Variants in RPS6KA1 observed in about 807,000 individuals in gnomAD.
RPS6KA1 encodes the protein ribosomal protein S6 kinase alpha-1.
RPS6KA1 carries 48 observed loss-of-function variants against 91.3 expected under a neutral mutation model. That is an observed-to-expected ratio of 0.53 (90% CI 0.42 to 0.67). RPS6KA1 has a LOEUF of 0.67. Ranked by LOEUF, RPS6KA1 falls within the 30% of genes least tolerant of loss-of-function variation. The pLI, the probability that RPS6KA1 is intolerant of heterozygous loss-of-function variation, is 0.00. For synonymous variants in RPS6KA1, 359 were observed against 384.7 expected, an observed-to-expected ratio of 0.93 and a Z score of 0.78; for missense variants, 719 against 960.5, an observed-to-expected ratio of 0.75 and a Z score of 3.32.
intron 17 of RPS6KA1, among the ~76,000 whole-genome samples, chr1:26,568,448 A>G (rs1033656716): frequency 6.6e-6 from 1 of 152,128 alleles, no homozygotes; most frequent in Non-Finnish European, 1.5e-5. Context: ...TTAGGGTAGG[A>G]AAAAAGATCA....
intron 14 of RPS6KA1, 48 bp from the exon 15 acceptor site, chr1:26,560,678 C>G (rs1383656557): frequency 6.2e-7 from 1 of 1,613,130 alleles, no homozygotes. Flanking sequence ...GGGATGACCC[C>G]TAGCACTCTA....
At chr1:26,537,280 G>A (rs1308131029) in intron 2 of RPS6KA1, among the ~76,000 whole-genome samples, 1 of 152,218 alleles carries the variant, frequency 6.6e-6, no homozygotes, top group Non-Finnish European at 1.5e-5. Flanking sequence ...TGGCTCTAAG[G>A]AGTGATGGGA....
At position 26,555,022 on chromosome 1, in the gene RPS6KA1, C is replaced by A. The variant is rs1202587666; in HGVS notation, c.757-129C>A. ...AGAGGCAAGAGGGACGGGCATAATT[C>A]TTGCTCCAGGCTGACTTGGATGTAT... is the stretch of plus-strand genomic sequence containing the variant. On this transcript the variant is annotated intron_variant, in intron 9 of 21. Coordinates refer to ENST00000374168, the MANE Select transcript of RPS6KA1 (RefSeq NM_002953.4). This position sits in a 1 kb window ranked among gnomAD's most constrained non-coding sequence, Gnocchi z 4.3. The A allele has an allele frequency of 3.0e-6, 3 of 989,790 alleles. No individual in the cohort carries two copies. Among genetic ancestry groups the A allele is most frequent in the East Asian group, 2.5e-5 (1 of 39,608 alleles). 61.3% of individuals were successfully genotyped at this position (989,790 alleles called of 1,614,324 possible).
rs1292563128 is a variant in RPS6KA1 at position 26,555,997 on chromosome 1, A to G, written c.916+372A>G. On this transcript the variant is annotated intron_variant, in intron 11 of 21. Coordinates refer to ENST00000374168, the MANE Select transcript of RPS6KA1 (RefSeq NM_002953.4). The surrounding 1 kb of genome is among the most constrained non-coding windows in gnomAD (Gnocchi z 4.3). ...CTGCCTGGCACAAAACAGTCCCTCTATAAATATTTGTTAAACGAATGAGGC... is the reference window on the plus strand; with the variant it reads ...CTGCCTGGCACAAAACAGTCCCTCTGTAAATATTTGTTAAACGAATGAGGC... 3.9e-5 allele frequency: 12 copies of G among 305,658 alleles called. No homozygotes were observed. Among genetic ancestry groups the G allele is most frequent in the Admixed American group, 1.7e-4 (4 of 23,014 alleles). 18.9% of individuals were successfully genotyped at this position (305,658 alleles called of 1,614,324 possible). A position where few individuals can be genotyped will look rare whatever the true frequency, so the allele number is the denominator to read the frequency against.
Position 26,540,787 on chromosome 1 carries a change from C to CA in RPS6KA1, c.108+3824dup, listed in dbSNP as rs1190769934. Among the ~76,000 whole-genome samples, 3 of 152,068 alleles carry CA rather than the reference C, an allele frequency of 2.0e-5. No homozygotes were observed. The highest frequency in any genetic ancestry group is 4.4e-5 in the Non-Finnish European group (3 of 67,962). Reference sequence around the variant, plus strand: ...GCAACACAGGGAGACCCATCCTCTACAAAAAACAAAATTTTTTTTTGAGAT... The same window carrying CA: ...GCAACACAGGGAGACCCATCCTCTACAAAAAAACAAAATTTTTTTTTGAGAT... On this transcript the variant is annotated intron_variant, in intron 2 of 21. Transcript: ENST00000374168. The surrounding 1 kb of genome is among the most constrained non-coding windows in gnomAD (Gnocchi z 4.2).
intron 17 of RPS6KA1, among the ~76,000 whole-genome samples, chr1:26,565,745 A>AGAGGCGGGATTTCACCATGTTGGC (rs2076195540): frequency 5.3e-5 from 8 of 151,458 alleles, no homozygotes; most frequent in African/African-American, 2.0e-4. Context: ...TATTTTTAGT[A>AGAGGCGGGATTTCACCATGTTGGC]GAGGCGGGAT....
chr1:26,573,009 G>T (rs2076262754), intron 20 of RPS6KA1, among the ~76,000 whole-genome samples: 2 of 152,196 alleles, frequency 1.3e-5, no homozygotes, highest in Non-Finnish European at 1.5e-5. Context: ...GAAATGGAAG[G>T]GTGTTCCAGG....
Position 26,574,482 on chromosome 1 carries a change from C to A in RPS6KA1, c.*281C>A. The A allele has an allele frequency of 1.7e-6, 1 of 587,348 alleles. No individual in the cohort carries two copies. The allele number at this position is 587,348 out of a possible 1,614,324, so 36.4% of individuals were successfully genotyped here. Reference sequence around the variant, plus strand: ...AACCACCATGGATTTTTACAAGATCCATTTGCCTTTCTGGGAGCAGAAACA... The same window carrying A: ...AACCACCATGGATTTTTACAAGATCAATTTGCCTTTCTGGGAGCAGAAACA... On this transcript the variant is annotated 3_prime_UTR_variant, in exon 22 of 22. Coordinates refer to ENST00000374168, the MANE Select transcript of RPS6KA1 (RefSeq NM_002953.4). The surrounding 1 kb of genome is among the most constrained non-coding windows in gnomAD (Gnocchi z 4.3).
chr1:26,569,561 G>A (rs1454159635), intron 17 of RPS6KA1, among the ~76,000 whole-genome samples: 1 of 152,188 alleles, frequency 6.6e-6, no homozygotes, highest in Non-Finnish European at 1.5e-5. Context: ...GCTGGGCCAT[G>A]TCTACCTACT....
In RPS6KA1 at chr1:26,547,550, GCA is replaced by G; in HGVS notation, c.307+281_307+282del. The G allele has an allele frequency of 2.5e-6, 1 of 392,276 alleles. No individual in the cohort carries two copies. The highest frequency in any genetic ancestry group is 4.9e-6 in the Non-Finnish European group (1 of 205,754). The allele number at this position is 392,276 out of a possible 1,614,324, so 24.3% of individuals were successfully genotyped here. The stretch of plus-strand genomic sequence containing the variant: ...GGCCCTCAACTACCAAGCTGGTCAA[GCA>G]GAGGCATTCTGACTGTTGATGCTAG... On this transcript the variant is annotated intron_variant, in intron 4 of 21. Coordinates refer to ENST00000374168, the MANE Select transcript of RPS6KA1 (RefSeq NM_002953.4). The surrounding 1 kb of genome is among the most constrained non-coding windows in gnomAD (Gnocchi z 4.1).
chr1:26,573,153 C>T, intron 20 of RPS6KA1, 71 bp from the exon 21 acceptor site: 1 of 1,513,852 alleles, frequency 6.6e-7, no homozygotes. Flanking sequence ...AGATGGTTGC[C>T]CTCCTGTGCC....
intron 6 of RPS6KA1, among the ~76,000 whole-genome samples, chr1:26,552,467 CTTTTTTTTTTTTTAATTGTAATTT>C (rs908365083): frequency 8.2e-5 from 10 of 122,306 alleles, no homozygotes; most frequent in African/African-American, 3.0e-4. Flanking sequence ...GAGAATCTAG[CTTTTTTTTTTTTTAATTGTAATTT>C]TTTTTTTTTT....
intron 17 of RPS6KA1, among the ~76,000 whole-genome samples, chr1:26,563,037 C>T (rs1328711321): frequency 6.6e-6 from 1 of 151,752 alleles, no homozygotes; most frequent in East Asian, 1.9e-4. Context: ...TGGGGTTTCA[C>T]CATGTTGGCC....
intron 19 of RPS6KA1, 22 bp from the exon 20 acceptor site, chr1:26,572,154 G>C (rs2076254577): frequency 9.4e-6 from 15 of 1,596,324 alleles, no homozygotes; most frequent in Non-Finnish European, 1.3e-5. Context: ...TCTGTACCCA[G>C]ACCGTGCGGG....
chr1:26,552,200 C>T (rs2076056785), intron 6 of RPS6KA1, among the ~76,000 whole-genome samples: 2 of 151,910 alleles, frequency 1.3e-5, no homozygotes, highest in Admixed American at 6.6e-5. Flanking sequence ...CCATCCTGCC[C>T]AACATGGTGA....
chr1:26,553,357 G>A, intron 6 of RPS6KA1, 34 bp from the exon 7 acceptor site: 4 of 1,454,050 alleles, frequency 2.8e-6, no homozygotes, highest in Non-Finnish European at 3.9e-6. Flanking sequence ...AGGAAGAGGA[G>A]GTCCCTGCTG....
At chr1:26,554,000 T>G (rs1472609350) in intron 7 of RPS6KA1, 1 of 532,728 alleles carries the variant, frequency 1.9e-6, no homozygotes, top group Non-Finnish European at 3.4e-6. Context: ...GCCCTAATAG[T>G]ACTTGCCTCA....
At chr1:26,542,885 G>C (rs568733400) in intron 2 of RPS6KA1, among the ~76,000 whole-genome samples, 1 of 152,152 alleles carries the variant, frequency 6.6e-6, no homozygotes, top group Non-Finnish European at 1.5e-5. Flanking sequence ...CTGCGTTATC[G>C]CCTTGTGACT....
At chr1:26,564,020 G>T (rs2076177147) in intron 17 of RPS6KA1, among the ~76,000 whole-genome samples, 1 of 152,128 alleles carries the variant, frequency 6.6e-6, no homozygotes, top group Admixed American at 6.5e-5. Context: ...CTACTCTGGT[G>T]GCTGAGGCAC....
Sources: allele counts gnomAD v4.1 joint callset (sites outside exome capture counted in the v4.1 genomes callset), GRCh38; gene constraint gnomAD v4.1.1; non-coding constraint Gnocchi (gnomAD v3.1); transcripts MANE v1.5; gene names NCBI Gene and HGNC (gene_info 2026-07-23, HGNC 2026-07-21).